SH3PXD2A: variants seen among roughly 807,000 people sequenced by gnomAD.
The protein encoded by SH3PXD2A is SH3 and PX domain-containing protein 2A.
A neutral mutation model predicts 115.2 loss-of-function variants in SH3PXD2A; 32 were observed. The ratio of observed to expected loss-of-function variants is 0.28; its 90% CI spans 0.21 to 0.37. SH3PXD2A has a LOEUF of 0.37. Ranked by LOEUF, SH3PXD2A falls within the 10% of genes least tolerant of loss-of-function variation. SH3PXD2A has a pLI of 1.00. For synonymous variants in SH3PXD2A, 610 were observed against 629.1 expected (o/e 0.97, Z 0.45); for missense variants, 1,328 against 1,498.7 (o/e 0.89, Z 1.88).
At position 103,661,014 on chromosome 10, in the gene SH3PXD2A, C is replaced by T. The variant is rs1000595355; in HGVS notation, c.573G>A (p.Glu191=). The change falls in exon 8 of 15, where the codon GAG becomes GAA. Residue 191 remains glutamate, a synonymous_variant. Transcript: ENST00000369774. Reference sequence around the variant, plus strand: ...CGTTCTTCTCGATGACATCCACCACCTCCCCGGCCTGGAGGCTCAGCTCCG... The same window carrying T: ...CGTTCTTCTCGATGACATCCACCACTTCCCCGGCCTGGAGGCTCAGCTCCG... ...ENSELSLQAG[E]VVDVIEKNES... 1 of 1,614,146 alleles carries T rather than the reference C, an allele frequency of 6.2e-7. No individual in the cohort carries two copies. The highest frequency in any genetic ancestry group is 8.5e-7 in the Non-Finnish European group (1 of 1,179,998).
chr10:103,767,824 T>A (rs1006775099), intron 2 of SH3PXD2A, among the ~76,000 whole-genome samples: 1 of 133,286 alleles, frequency 7.5e-6, no homozygotes, highest in East Asian at 2.0e-4. Context: ...TTTTTTTTTT[T>A]TTTTTTTTTT....
intron 5 of SH3PXD2A, among the ~76,000 whole-genome samples, chr10:103,698,770 AC>A (rs2037856619): frequency 6.6e-6 from 1 of 152,064 alleles, no homozygotes; most frequent in African/African-American, 2.4e-5. Context: ...CAGACAATCC[AC>A]GCTGAGAATT....
At chr10:103,758,419 C>T (rs2038665783) in intron 3 of SH3PXD2A, among the ~76,000 whole-genome samples, 1 of 152,144 alleles carries the variant, frequency 6.6e-6, no homozygotes, top group South Asian at 2.1e-4. Context: ...TGCCACATGA[C>T]CTGGTTATTT....
Position 103,613,032 on chromosome 10 carries a change from T to C in SH3PXD2A, c.1079A>G (p.Glu360Gly). The C allele has an allele frequency of 6.2e-7, 1 of 1,614,264 alleles. No homozygotes were observed. Among genetic ancestry groups the C allele is most frequent in the Non-Finnish European group, 8.5e-7 (1 of 1,180,046 alleles). ...LLNKKASGDK[E>G]TPPAEGEGHE... ...GCCCTCGCCTTCGGCTGGTGGAGTTTCCTTGTCCCCAGACGCCTTCTTGTT... is the reference window on the plus strand; with the variant it reads ...GCCCTCGCCTTCGGCTGGTGGAGTTCCCTTGTCCCCAGACGCCTTCTTGTT... The change falls in exon 12 of 15, where the codon GAA becomes GGA. Residue 360 changes from glutamate to glycine, a missense_variant. This residue lies in a region of SH3PXD2A where 509 missense variants were observed against 628.3 expected (regional missense o/e 0.81). Transcript: ENST00000369774.
intron 4 of SH3PXD2A, among the ~76,000 whole-genome samples, chr10:103,728,019 T>C (rs1290480725): frequency 2.6e-5 from 4 of 152,224 alleles, no homozygotes; most frequent in Non-Finnish European, 5.9e-5. Flanking sequence ...GGGGGCCAGA[T>C]AATGGGCATA....
intron 1 of SH3PXD2A, among the ~76,000 whole-genome samples, chr10:103,850,946 G>A (rs1842890866): frequency 6.6e-6 from 1 of 152,140 alleles, no homozygotes; most frequent in Non-Finnish European, 1.5e-5. Context: ...CAAGAGCCCT[G>A]TGAAGTTACA....
At chr10:103,667,482 A>T (rs1009823242) in intron 7 of SH3PXD2A, among the ~76,000 whole-genome samples, 1 of 152,216 alleles carries the variant, frequency 6.6e-6, no homozygotes, top group African/African-American at 2.4e-5. Flanking sequence ...GAGGGGAAAA[A>T]GGGACAGGAG....
chr10:103,613,072 T>C lies in SH3PXD2A; in HGVS notation c.1039A>G (p.Ile347Val). 6.2e-7 allele frequency: 1 copy of C among 1,614,206 alleles called. No homozygotes were observed. The highest frequency in any genetic ancestry group is 8.5e-7 in the Non-Finnish European group (1 of 1,180,022). The change falls in exon 12 of 15, where the codon ATC becomes GTC. Residue 347 changes from isoleucine (I) to valine (V), a missense_variant. By Grantham distance (29) the Ile-to-Val change is conservative (BLOSUM62 3). Coordinates refer to ENST00000369774, the MANE Select transcript of SH3PXD2A (RefSeq NM_001394015.1). ...GCCTTCTTGTTCAGCAGGTTGCTGA[T>C]CTCCATGATGTTCCCAATGATCTCC... ...PVEIIGNIME[I>V]SNLLNKKASG...
At position 103,757,946 on chromosome 10, in the gene SH3PXD2A, T is replaced by C. The variant is rs76745809; in HGVS notation, c.229+9148A>G. On this transcript the variant is annotated intron_variant, in intron 3 of 14. Transcript: ENST00000369774. ...TGGGGAGGGCAAAGGAAATCCCACA[T>C]CTGTGTCCTGCGGCAAAGCCACCAC... is the stretch of plus-strand genomic sequence containing the variant. Among the ~76,000 whole-genome samples the C allele has an allele frequency of 6.2e-3, 940 of 152,300 alleles. 18 individuals carry two copies. Among genetic ancestry groups the C allele is most frequent in the African/African-American group, 0.021 (882 of 41,558 alleles).
At chr10:103,772,768 G>T (rs1467181706) in intron 2 of SH3PXD2A, among the ~76,000 whole-genome samples, 1 of 152,142 alleles carries the variant, frequency 6.6e-6, no homozygotes, top group Non-Finnish European at 1.5e-5. Context: ...CCAAGAGGCC[G>T]GCTCCTCGCC....
At chr10:103,621,944 G>C (rs560127979) in intron 10 of SH3PXD2A, among the ~76,000 whole-genome samples, 5 of 152,358 alleles carry the variant, frequency 3.3e-5, no homozygotes, top group African/African-American at 1.2e-4. Context: ...GTCTGGCTTT[G>C]CTCCCTTTCT....
intron 5 of SH3PXD2A, chr10:103,693,292 C>A (rs2037784101): frequency 6.7e-6 from 1 of 149,148 alleles, no homozygotes; most frequent in Non-Finnish European, 1.5e-5. Context: ...TCGCCCGCCC[C>A]GCCCCGCCCC....
intron 2 of SH3PXD2A, among the ~76,000 whole-genome samples, chr10:103,769,175 T>TGC (rs1414673863): frequency 2.9e-5 from 3 of 103,786 alleles, no homozygotes; most frequent in African/African-American, 1.4e-4. Flanking sequence ...TGTGTGTGTG[T>TGC]GTGTGTGCGC....
intron 2 of SH3PXD2A, among the ~76,000 whole-genome samples, chr10:103,792,779 C>A (rs1369455267): frequency 6.6e-6 from 1 of 152,166 alleles, no homozygotes; most frequent in Non-Finnish European, 1.5e-5. Flanking sequence ...CTGCTTCCTG[C>A]CTCAATATGT....
At chr10:103,613,253 C>T in intron 11 of SH3PXD2A, 63 bp from the exon 12 acceptor site, 1 of 1,314,534 alleles carries the variant, frequency 7.6e-7, no homozygotes. Context: ...CACTCCCAGG[C>T]CCTAGGATCC....
At position 103,602,307 on chromosome 10, in the gene SH3PXD2A, C is replaced by T. The variant is rs1034023749; in HGVS notation, c.2911G>A (p.Gly971Arg). ...GGCCTGACCGCCACCTGCCGCACTC[C>T]GTTCCTCATCTTCACCGCTGGAGTG... ...SGTPAVKMRNGVRQVAVRPQS... is the reference protein window; with the variant it reads ...SGTPAVKMRNRVRQVAVRPQS... The change falls in exon 15 of 15, where the codon GGA (glycine) becomes AGA (arginine). Residue 971 changes from glycine to arginine, a missense_variant. Gly to Arg is a moderately radical substitution (Grantham distance 125). Coordinates refer to ENST00000369774, the MANE Select transcript of SH3PXD2A (RefSeq NM_001394015.1). The T allele has an allele frequency of 2.0e-5, 32 of 1,613,632 alleles. No individual in the cohort carries two copies. The highest frequency in any genetic ancestry group is 4.0e-5 in the African/African-American group (3 of 74,932).
rs1592254989 is a variant in SH3PXD2A at position 103,602,164 on chromosome 10, AAAG to A, written c.3051_3053del (p.Phe1018del). On this transcript the variant is annotated inframe_deletion, in exon 15 of 15. Transcript: ENST00000369774. ...CGGCGGCAGCGGAGCGAGCAGTGCT[AAAG>A]GAGGAGTTCCGTCGGACGCCTCGGA... The A allele has an allele frequency of 6.3e-7, 1 of 1,576,650 alleles. No individual in the cohort carries two copies.
At chr10:103,729,655 C>T (rs1291829893) in intron 4 of SH3PXD2A, among the ~76,000 whole-genome samples, 2 of 152,234 alleles carry the variant, frequency 1.3e-5, no homozygotes, top group Non-Finnish European at 2.9e-5. Flanking sequence ...CCCCTCCAAC[C>T]CTGCCATTCT....
chr10:103,853,371 C>T (rs1242040062), intron 1 of SH3PXD2A, among the ~76,000 whole-genome samples: 4 of 152,224 alleles, frequency 2.6e-5, no homozygotes, highest in Non-Finnish European at 4.4e-5. Context: ...GAGCTTACTG[C>T]GTGCCAGGAA....
Sources: gnomAD v4.1 joint callset for allele counts (sites outside exome capture counted in the v4.1 genomes callset) on GRCh38, gnomAD v4.1.1 for gene constraint, gnomAD v4.1.1 regional missense constraint, MANE v1.5 for transcripts, NCBI Gene and HGNC (gene_info 2026-07-23, HGNC 2026-07-21) for gene names.